CNTNAP2: variants seen among roughly 807,000 people sequenced by gnomAD.
The protein encoded by CNTNAP2 is contactin associated protein 2.
Under a neutral mutation model 155.2 loss-of-function variants are expected in CNTNAP2, and 98 were observed. The ratio of observed to expected loss-of-function variants is 0.63; its 90% CI spans 0.54 to 0.75. The LOEUF (loss-of-function observed/expected upper bound fraction) is 0.75, where lower values mean the gene tolerates loss of function less well. Among genes scored for constraint, CNTNAP2 ranks in the 30% least tolerant of loss-of-function variants. The pLI is 0.00. For synonymous variants in CNTNAP2, 651 were observed against 631.2 expected (o/e 1.03, Z -0.47); for missense variants, 1,727 against 1,688.1 (o/e 1.02, Z -0.40).
intron 13 of CNTNAP2, among the ~76,000 whole-genome samples, chr7:147,754,917 A>C (rs998226555): frequency 2.6e-5 from 4 of 152,250 alleles, no homozygotes; most frequent in Admixed American, 2.6e-4. Context: ...CGTAATAAAA[A>C]GTTTTTTAAA....
chr7:146,734,820 C>T (rs1801584096), intron 1 of CNTNAP2, among the ~76,000 whole-genome samples: 1 of 152,106 alleles, frequency 6.6e-6, no homozygotes, highest in South Asian at 2.1e-4. Flanking sequence ...CAAGGAATCT[C>T]GATGTGTTTT....
chr7:146,993,488 T>C lies in CNTNAP2; in HGVS notation c.403-50419T>C, dbSNP rs373088992. On this transcript the variant is annotated intron_variant, in intron 3 of 23. Transcript: ENST00000361727. Reference sequence around the variant, plus strand: ...TGATTGCATCACCAGTTTCAGGTTTTTTTTCTATCTATTGGGAGACTGCCT... The same window carrying C: ...TGATTGCATCACCAGTTTCAGGTTTCTTTTCTATCTATTGGGAGACTGCCT... Among the ~76,000 whole-genome samples, 10 of 152,270 alleles carry C rather than the reference T, an allele frequency of 6.6e-5. 1 individual carries two copies. The highest frequency in any genetic ancestry group is 3.9e-4 in the East Asian group (2 of 5,160).
At chr7:148,130,807 T>A (rs1393985348) in intron 16 of CNTNAP2, among the ~76,000 whole-genome samples, 1 of 152,156 alleles carries the variant, frequency 6.6e-6, no homozygotes, top group East Asian at 1.9e-4. Context: ...ACACAAAATT[T>A]TTTTTATCAT....
intron 12 of CNTNAP2, among the ~76,000 whole-genome samples, chr7:147,590,519 C>T (rs141694210): frequency 8.5e-5 from 13 of 152,260 alleles, no homozygotes; most frequent in African/African-American, 2.6e-4. Context: ...TTTCCTGAGG[C>T]CTCCCTGGCC....
At chr7:146,541,391 T>A (rs147244496) in intron 1 of CNTNAP2, among the ~76,000 whole-genome samples, 1 of 152,184 alleles carries the variant, frequency 6.6e-6, no homozygotes, top group Non-Finnish European at 1.5e-5. Context: ...CACTCTAAGA[T>A]AATTTACTTT....
At chr7:146,165,093 A>C (rs1292220433) in intron 1 of CNTNAP2, among the ~76,000 whole-genome samples, 1 of 152,220 alleles carries the variant, frequency 6.6e-6, no homozygotes, top group Non-Finnish European at 1.5e-5. Context: ...TTAAACGTCC[A>C]AGCTGTGAAG....
chr7:147,778,377 A>G (rs2116550708), intron 13 of CNTNAP2, among the ~76,000 whole-genome samples: 1 of 152,230 alleles, frequency 6.6e-6, no homozygotes, highest in East Asian at 1.9e-4. Flanking sequence ...TATGCTTTAC[A>G]CAGAGTATGA....
intron 1 of CNTNAP2, among the ~76,000 whole-genome samples, chr7:146,499,495 T>G (rs117367445): frequency 6.6e-6 from 1 of 152,180 alleles, no homozygotes; most frequent in Non-Finnish European, 1.5e-5. Flanking sequence ...AAACTGTGAG[T>G]TTCACAACTT....
At chr7:146,699,532 T>A (rs1800840028) in intron 1 of CNTNAP2, among the ~76,000 whole-genome samples, 1 of 152,182 alleles carries the variant, frequency 6.6e-6, no homozygotes, top group Admixed American at 6.5e-5. Context: ...CTCGGCTTTT[T>A]ATCCACTTAT....
At chr7:148,173,928 GTT>G (rs1319803101) in intron 18 of CNTNAP2, among the ~76,000 whole-genome samples, 1 of 152,170 alleles carries the variant, frequency 6.6e-6, no homozygotes, top group Admixed American at 6.5e-5. Flanking sequence ...TTTTTGGAGA[GTT>G]AGGTTAAACA....
chr7:146,196,564 GGA>G (rs148762442), intron 1 of CNTNAP2, among the ~76,000 whole-genome samples: 37 of 147,300 alleles, frequency 2.5e-4, no homozygotes, highest in Non-Finnish European at 4.1e-4. Flanking sequence ...AGGGAGGGAG[GGA>G]GAGAGAGAGA....
In CNTNAP2 at chr7:147,479,647, G is replaced by T. The variant is rs76379000; in HGVS notation, c.1671-6288G>T. 4.3e-4 allele frequency among the ~76,000 whole-genome samples: 65 copies of T among 151,688 alleles called. No individual in the cohort carries two copies. In the East Asian group the frequency reaches 0.012, roughly 29 times the overall value. On this transcript the variant is annotated intron_variant, in intron 10 of 23. Transcript: ENST00000361727. ...AACTCTAGTTCATTATAATAAAAAA[G>T]ATTTAAAAGGCAGAAAACCCAAGTT...
chr7:146,313,439 G>A (rs921305563), intron 1 of CNTNAP2, among the ~76,000 whole-genome samples: 7 of 152,152 alleles, frequency 4.6e-5, no homozygotes, highest in African/African-American at 7.2e-5. Flanking sequence ...CTCATATGAC[G>A]TGGATATAAA....
In CNTNAP2 at chr7:147,849,003, G is replaced by A. The variant is rs569615311; in HGVS notation, c.2099-54562G>A. On this transcript the variant is annotated intron_variant, in intron 13 of 23. Coordinates refer to ENST00000361727, the MANE Select transcript of CNTNAP2 (RefSeq NM_014141.6). ...ATCACTTATGCCAGGCTCCAGCTACGTACTCTGAAAAGTATATTAAATCAG... is the reference window on the plus strand; with the variant it reads ...ATCACTTATGCCAGGCTCCAGCTACATACTCTGAAAAGTATATTAAATCAG... Among the ~76,000 whole-genome samples the A allele has an allele frequency of 3.9e-5, 6 of 152,106 alleles. 1 individual carries two copies. Among genetic ancestry groups the A allele is most frequent in the Admixed American group, 3.3e-4 (5 of 15,288 alleles).
At chr7:147,774,769 C>T (rs78663253) in intron 13 of CNTNAP2, among the ~76,000 whole-genome samples, 2,021 of 152,168 alleles carry the variant, frequency 0.013, 102 homozygotes, top group Admixed American at 0.089. Flanking sequence ...AATAAATTTC[C>T]GTTAAGACAC....
chr7:146,198,767 G>C (rs1798814201), intron 1 of CNTNAP2, among the ~76,000 whole-genome samples: 1 of 151,616 alleles, frequency 6.6e-6, no homozygotes, highest in African/African-American at 2.4e-5. Context: ...AATGACCCTG[G>C]CATAGAACTT....
intron 9 of CNTNAP2, among the ~76,000 whole-genome samples, chr7:147,343,171 G>GA (rs1363443755): frequency 6.6e-6 from 1 of 151,956 alleles, no homozygotes; most frequent in Admixed American, 6.5e-5. Flanking sequence ...GTTCAACCAA[G>GA]AAAAAAAGGT....
chr7:148,030,909 G>A (rs1382296317), intron 15 of CNTNAP2, among the ~76,000 whole-genome samples: 6 of 152,212 alleles, frequency 3.9e-5, no homozygotes, highest in South Asian at 4.2e-4. Context: ...AGCACGTAGC[G>A]TAAAAGAAAA....
At chr7:146,996,125 A>T (rs1051282529) in intron 3 of CNTNAP2, among the ~76,000 whole-genome samples, 5 of 152,094 alleles carry the variant, frequency 3.3e-5, no homozygotes, top group African/African-American at 1.2e-4. Context: ...CTGCATATGT[A>T]TATCCAATTT....
Sources: gnomAD v4.1 joint callset for allele counts (sites outside exome capture counted in the v4.1 genomes callset) on GRCh38, gnomAD v4.1.1 for gene constraint, MANE v1.5 for transcripts, NCBI Gene and HGNC (gene_info 2026-07-23, HGNC 2026-07-21) for gene names.